Variants in DNAJB1 observed in about 807,000 individuals in gnomAD.
The protein encoded by DNAJB1 is dnaJ homolog subfamily B member 1.
In DNAJB1, 14 loss-of-function variants were observed where a neutral mutation model predicts 24.0. The observed-to-expected ratio is 0.58, with a 90% CI of 0.39 to 0.91. The LOEUF is 0.91. Among genes scored for constraint, DNAJB1 ranks in the 40% least tolerant of loss-of-function variants. DNAJB1 has a pLI of 0.00. For missense variants in DNAJB1, 517 were observed against 458.1 expected (o/e 1.13, Z -1.17); for synonymous variants, 262 against 174.4 (o/e 1.50, Z -3.96).
At chr19:14,524,845 CA>C (rs71166750) in intron 2 of DNAJB1, among the ~76,000 whole-genome samples, 11 of 112,140 alleles carry the variant, frequency 9.8e-5, no homozygotes, top group South Asian at 3.1e-4. Flanking sequence ...GACTCGTTCT[CA>C]AAAAAAAAAG....
At chr19:14,522,113 A>T (rs548855921), upstream of DNAJB1, among the ~76,000 whole-genome samples, 18 of 152,156 alleles carry the variant, frequency 1.2e-4, no homozygotes, top group Non-Finnish European at 1.9e-4. Flanking sequence ...CTTAACTTGG[A>T]AAAGCTGTTA....
upstream of DNAJB1, among the ~76,000 whole-genome samples, chr19:14,554,478 G>T (rs1382387996): frequency 1.3e-5 from 2 of 152,130 alleles, no homozygotes; most frequent in Admixed American, 6.5e-5. Context: ...CGCCAGCAAG[G>T]CCATTGAACC....
intron 1 of DNAJB1, among the ~76,000 whole-genome samples, chr19:14,542,477 T>C (rs2073139135): frequency 6.7e-6 from 1 of 148,162 alleles, no homozygotes; most frequent in Non-Finnish European, 1.5e-5. Context: ...TTCTCCTGCC[T>C]CAGCCTCCTG....
chr19:14,514,872 G>C lies in DNAJB1; in HGVS notation c.*1068C>G, dbSNP rs1272422022. The C allele has an allele frequency of 6.6e-6, 1 of 152,600 alleles. No individual in the cohort carries two copies. The allele number at this position is 152,600 out of a possible 1,614,324, so 9.5% of individuals were successfully genotyped here. ...ACTTACAATGAGTCTAAAGGTCTGAGCACTGGACTGGCCTCCAGGGAACAG... is the reference window on the plus strand; with the variant it reads ...ACTTACAATGAGTCTAAAGGTCTGACCACTGGACTGGCCTCCAGGGAACAG... On this transcript the variant is annotated 3_prime_UTR_variant, in exon 3 of 3. Transcript: ENST00000254322.
chr19:14,527,099 G>T (rs1214504781), intron 2 of DNAJB1, among the ~76,000 whole-genome samples: 1 of 150,696 alleles, frequency 6.6e-6, no homozygotes, highest in East Asian at 1.9e-4. Flanking sequence ...AAGAAGGGCA[G>T]GGAGTGAGGC....
chr19:14,548,704 A>C (rs1239074429), intron 1 of DNAJB1, among the ~76,000 whole-genome samples: 2 of 152,022 alleles, frequency 1.3e-5, no homozygotes, highest in Non-Finnish European at 2.9e-5. Context: ...CAGCCTCCCA[A>C]GTAGCTGGGA....
intron 1 of DNAJB1, among the ~76,000 whole-genome samples, chr19:14,537,838 C>T (rs952559293): frequency 6.6e-6 from 1 of 151,482 alleles, no homozygotes; most frequent in African/African-American, 2.4e-5. Flanking sequence ...CTCCGCCTCC[C>T]GGGTTCAGGC....
At chr19:14,518,798 C>T (rs905447708), upstream of DNAJB1, among the ~76,000 whole-genome samples, 1 of 152,240 alleles carries the variant, frequency 6.6e-6, no homozygotes. Flanking sequence ...ACTACCCAGT[C>T]CTTTCCCCGG....
At position 14,516,144 on chromosome 19, in the gene DNAJB1, G is replaced by A. The variant is rs1459727711; in HGVS notation, c.819C>T (p.Val273=). Residue 273 remains valine (V), a synonymous_variant, in exon 3 of 3, where the codon GTC becomes GTT. Transcript: ENST00000254322. ...REALCGCTVN[V]PTLDGRTIPV... is the part of the protein sequence containing the mutation. ...GTATCGTCCTGCCGTCCAGAGTGGG[G>A]ACGTTCACTGTGCAGCCACACAGAG... is the stretch of plus-strand genomic sequence containing the variant. 11 of 1,613,308 alleles carry A rather than the reference G, an allele frequency of 6.8e-6. No individual in the cohort carries two copies. The highest frequency in any genetic ancestry group is 9.3e-6 in the Non-Finnish European group (11 of 1,179,896).
intron 1 of DNAJB1, among the ~76,000 whole-genome samples, chr19:14,547,226 C>T (rs1022335515): frequency 1.3e-5 from 2 of 152,052 alleles, no homozygotes; most frequent in Admixed American, 6.6e-5. Flanking sequence ...TTAACAGAGT[C>T]CTGTAAATGT....
intron 1 of DNAJB1, among the ~76,000 whole-genome samples, chr19:14,557,670 T>C (rs1433012015): frequency 2.6e-5 from 4 of 151,784 alleles, no homozygotes; most frequent in African/African-American, 9.7e-5. Context: ...CAGGCTGGTC[T>C]TGAACTCCTG....
In DNAJB1 at chr19:14,516,486, C is replaced by A; in HGVS notation, c.772G>T (p.Ala258Ser). ...KRDGSDVIYP[A>S]RISLREALCG... ...CTTACCTCCCGGAGGCTGATCCTGG[C>A]AGGATAAATGACATCAGAGCCATCT... The change falls in exon 2 of 3, where the codon GCC becomes TCC. Residue 258 changes from alanine (A) to serine (S), a missense_variant. By Grantham distance (99) the Ala-to-Ser change is moderately conservative. Coordinates refer to ENST00000254322, the MANE Select transcript of DNAJB1 (RefSeq NM_006145.3). 1.2e-6 allele frequency: 2 copies of A among 1,612,250 alleles called. No homozygotes were observed. The highest frequency in any genetic ancestry group is 1.7e-6 in the Non-Finnish European group (2 of 1,178,422).
At chr19:14,553,996 C>T (rs1312996614), upstream of DNAJB1, among the ~76,000 whole-genome samples, 1 of 152,146 alleles carries the variant, frequency 6.6e-6, no homozygotes, top group South Asian at 2.1e-4. Context: ...CAGTCCCCTG[C>T]GGGGTCCGAG....
chr19:14,529,601 C>T (rs530079728), upstream of DNAJB1: 229 of 1,588,356 alleles, frequency 1.4e-4, no homozygotes, highest in East Asian at 4.0e-3. Context: ...CGCGTTTAGT[C>T]TATCGCTGCG....
intron 1 of DNAJB1, among the ~76,000 whole-genome samples, chr19:14,547,360 ATTTTATTT>A (rs755739743): frequency 6.6e-6 from 1 of 151,760 alleles, no homozygotes; most frequent in Non-Finnish European, 1.5e-5. Flanking sequence ...ATTTTATTTT[ATTTTATTT>A]TATGTTTTTT....
chr19:14,530,048 C>T (rs2072565739), upstream of DNAJB1: 1 of 447,132 alleles, frequency 2.2e-6, no homozygotes, highest in Non-Finnish European at 4.1e-6. Flanking sequence ...GACCCTTGCT[C>T]CCAATCCGAG....
chr19:14,516,591 C>T lies in DNAJB1; in HGVS notation c.667G>A (p.Glu223Lys). The change falls in exon 2 of 3, where the codon GAA becomes AAA. Residue 223 changes from glutamate (E) to lysine (K), a missense_variant. Glu to Lys is a moderately conservative substitution (Grantham distance 56, BLOSUM62 1). Transcript: ENST00000254322. ...KEGTKITFPK[E>K]GDQTSNNIPA... ...ATGTTGTTGGAGGTCTGGTCTCCTT[C>T]CTTGGGGAAAGTGATTTTGGTTCCT... 2 of 1,614,206 alleles carry T rather than the reference C, an allele frequency of 1.2e-6. No individual in the cohort carries two copies. Among genetic ancestry groups the T allele is most frequent in the Non-Finnish European group, 8.5e-7 (1 of 1,180,042 alleles).
upstream of DNAJB1, among the ~76,000 whole-genome samples, chr19:14,534,376 G>A (rs922646568): frequency 8.9e-5 from 13 of 145,852 alleles, no homozygotes; most frequent in Admixed American, 4.8e-4. Flanking sequence ...CGCCCGCCTC[G>A]GCCTCCCAGG....
Position 14,516,184 on chromosome 19 carries a change from A to T in DNAJB1, c.793-14T>A. ...GCCACACAGAGCCTTGAAAAGCAAAAGGACAGCATTAGATGGAAGCTGGCT... is the reference window on the plus strand; with the variant it reads ...GCCACACAGAGCCTTGAAAAGCAAATGGACAGCATTAGATGGAAGCTGGCT... On this transcript the variant is annotated splice_polypyrimidine_tract_variant and intron_variant, in intron 2 of 2. Coordinates refer to ENST00000254322, the MANE Select transcript of DNAJB1 (RefSeq NM_006145.3). 1 of 1,613,278 alleles carries T rather than the reference A, an allele frequency of 6.2e-7. No homozygotes were observed. Among genetic ancestry groups the T allele is most frequent in the Admixed American group, 1.7e-5 (1 of 59,712 alleles).
Sources: gnomAD v4.1 joint callset for allele counts (sites outside exome capture counted in the v4.1 genomes callset) on GRCh38, gnomAD v4.1.1 for gene constraint, MANE v1.5 for transcripts, NCBI Gene and HGNC (gene_info 2026-07-23, HGNC 2026-07-21) for gene names.